Variants in ST7L observed in about 807,000 individuals in gnomAD.
The protein encoded by ST7L is suppression of tumorigenicity 7 like.
A neutral mutation model predicts 72.5 loss-of-function variants in ST7L; 57 were observed. That is an observed-to-expected ratio of 0.79 (90% CI 0.64 to 0.98). The LOEUF is 0.98. Ranked by LOEUF, ST7L falls within the 50% of genes least tolerant of loss-of-function variation. ST7L has a pLI of 0.00. For missense variants in ST7L, 576 were observed against 672.2 expected (o/e 0.86, Z 1.58); for synonymous variants, 221 against 240.9 (o/e 0.92, Z 0.77).
At chr1:112,591,147 G>A (rs1426732864) in intron 6 of ST7L, among the ~76,000 whole-genome samples, 1 of 151,912 alleles carries the variant, frequency 6.6e-6, no homozygotes, top group Non-Finnish European at 1.5e-5. Flanking sequence ...TAGCCAGGGT[G>A]GTCTCGATCT....
chr1:112,542,220 A>G, intron 13 of ST7L, 130 bp from the exon 14 acceptor site: 3 of 895,004 alleles, frequency 3.4e-6, no homozygotes, highest in Non-Finnish European at 4.8e-6. Flanking sequence ...GTCTCTGGCT[A>G]AGCAAGGTAG....
intron 6 of ST7L, among the ~76,000 whole-genome samples, chr1:112,585,231 T>A (rs1664693149): frequency 6.6e-6 from 1 of 152,186 alleles, no homozygotes; most frequent in African/African-American, 2.4e-5. Flanking sequence ...CAAATCCATC[T>A]CTTCTACAGA....
chr1:112,582,212 AG>A, intron 8 of ST7L, 106 bp from the exon 9 acceptor site: 1 of 962,310 alleles, frequency 1.0e-6, no homozygotes, highest in Non-Finnish European at 1.6e-6. Flanking sequence ...ATAGCTGTGA[AG>A]AAGACCTAAC....
chr1:112,556,351 C>T (rs1455315230), intron 11 of ST7L, among the ~76,000 whole-genome samples: 2 of 152,070 alleles, frequency 1.3e-5, no homozygotes, highest in African/African-American at 4.8e-5. Context: ...AAAAATTACA[C>T]ATTTTTTATT....
intron 11 of ST7L, among the ~76,000 whole-genome samples, chr1:112,568,587 A>G (rs1020847916): frequency 2.0e-5 from 3 of 151,366 alleles, no homozygotes; most frequent in Non-Finnish European, 4.4e-5. Context: ...CGCCCGCCTC[A>G]GCCTCCCAAA....
chr1:112,556,093 C>A (rs1273823492), intron 11 of ST7L, 75 bp from the exon 12 acceptor site: 1 of 1,146,316 alleles, frequency 8.7e-7, no homozygotes, highest in Non-Finnish European at 1.1e-6. Context: ...ATTCAAACAC[C>A]CACAAAAATG....
At chr1:112,591,624 A>C in intron 5 of ST7L, 21 bp from the exon 6 acceptor site, 1 of 1,588,942 alleles carries the variant, frequency 6.3e-7, no homozygotes, top group South Asian at 1.1e-5. Context: ...AAATTCCATA[A>C]AATAGATGAG....
At chr1:112,595,370 GAAAAAAAAAAAAAAA>G (rs67553307) in intron 5 of ST7L, among the ~76,000 whole-genome samples, 8 of 52,000 alleles carry the variant, frequency 1.5e-4, no homozygotes, top group South Asian at 7.5e-4. Flanking sequence ...GGTCTCAAAA[GAAAAAAAAAAAAAAA>G]AAAAAAAAAA....
chr1:112,557,820 G>A (rs573944785), intron 11 of ST7L, among the ~76,000 whole-genome samples: 4 of 152,298 alleles, frequency 2.6e-5, no homozygotes, highest in East Asian at 1.9e-4. Context: ...AGAGCATACT[G>A]CAGGATACAT....
rs372645856 is a variant in ST7L, at chr1:112,539,516, C to T, written c.1629+2435G>A. ...ACTAAAAATACAAAAGTTAGCTGGG[C>T]GTTGTGGCACGTGCCTGTAGTCCCA... On this transcript the variant is annotated intron_variant, in intron 14 of 14. Coordinates refer to ENST00000358039, the MANE Select transcript of ST7L (RefSeq NM_017744.5). Among the ~76,000 whole-genome samples, 5 of 152,042 alleles carry T rather than the reference C, an allele frequency of 3.3e-5. No individual in the cohort carries two copies. The East Asian group carries it at 5.8e-4, about 18-fold the overall frequency.
intron 13 of ST7L, among the ~76,000 whole-genome samples, chr1:112,548,387 G>C (rs1570950637): frequency 1.3e-5 from 2 of 152,090 alleles, no homozygotes; most frequent in South Asian, 4.2e-4. Flanking sequence ...GAGAATCCTG[G>C]CCTTCAAGGA....
chr1:112,617,711 TCTCTCTCACACA>T (rs1467587962), intron 1 of ST7L, among the ~76,000 whole-genome samples: 162 of 67,474 alleles, frequency 2.4e-3, no homozygotes, highest in African/African-American at 0.01. Context: ...TCTGTCTTTC[TCTCTCTCACACA>T]CACACACACA....
chr1:112,595,912 T>C (rs920005566), intron 5 of ST7L, among the ~76,000 whole-genome samples: 1 of 152,234 alleles, frequency 6.6e-6, no homozygotes, highest in African/African-American at 2.4e-5. Flanking sequence ...TTTTTCAAAA[T>C]TCTTTTGGGA....
chr1:112,572,196 C>T (rs558284936), intron 11 of ST7L, among the ~76,000 whole-genome samples: 2 of 152,304 alleles, frequency 1.3e-5, no homozygotes, highest in South Asian at 4.1e-4. Context: ...GTGCTGTCAT[C>T]CAGGCTTTGT....
At chr1:112,541,546 C>T (rs1656100566) in intron 14 of ST7L, among the ~76,000 whole-genome samples, 1 of 152,082 alleles carries the variant, frequency 6.6e-6, no homozygotes, top group African/African-American at 2.4e-5. Context: ...TATTATCCAT[C>T]CTAGTTGTGC....
chr1:112,562,758 T>G (rs1660381861), intron 11 of ST7L, among the ~76,000 whole-genome samples: 1 of 152,156 alleles, frequency 6.6e-6, no homozygotes, highest in Non-Finnish European at 1.5e-5. Context: ...AGGTTGGTCC[T>G]TATCCTGTAG....
intron 1 of ST7L, among the ~76,000 whole-genome samples, chr1:112,617,757 G>A (rs868550383): frequency 1.2e-4 from 15 of 126,832 alleles, no homozygotes; most frequent in African/African-American, 3.7e-4. Flanking sequence ...ACACACACAC[G>A]AAACGTAAAA....
intron 14 of ST7L, chr1:112,530,247 T>A (rs1425641055): frequency 6.6e-6 from 1 of 152,242 alleles, no homozygotes; most frequent in Non-Finnish European, 1.5e-5. Context: ...AATCAGTACA[T>A]TCTACAACTC....
intron 2 of ST7L, among the ~76,000 whole-genome samples, chr1:112,612,559 C>T (rs781631002): frequency 5.9e-5 from 9 of 151,962 alleles, no homozygotes; most frequent in African/African-American, 9.7e-5. Context: ...TGTTGGGGCC[C>T]GCTGACTACA....
Sources: gnomAD v4.1 joint callset for allele counts (sites outside exome capture counted in the v4.1 genomes callset) on GRCh38, gnomAD v4.1.1 for gene constraint, MANE v1.5 for transcripts, NCBI Gene and HGNC (gene_info 2026-07-23, HGNC 2026-07-21) for gene names.